Variants in ARID1B observed in about 807,000 individuals in gnomAD.
The protein encoded by ARID1B is AT-rich interaction domain 1B.
A neutral mutation model predicts 212.3 loss-of-function variants in ARID1B; 30 were observed. That is an observed-to-expected ratio of 0.14 (90% CI 0.11 to 0.19). The LOEUF (loss-of-function observed/expected upper bound fraction) is 0.19, where lower values mean the gene tolerates loss of function less well. Ranked by LOEUF, ARID1B falls within the 10% of genes least tolerant of loss-of-function variation. The pLI is 1.00. For missense variants in ARID1B, 2,891 were observed against 3,204.0 expected (o/e 0.90, Z 2.36); for synonymous variants, 1,402 against 1,301.7 (o/e 1.08, Z -1.66).
intron 7 of ARID1B, among the ~76,000 whole-genome samples, chr6:157,142,464 A>G (rs1583389708): frequency 1.3e-5 from 2 of 152,218 alleles, no homozygotes; most frequent in Middle Eastern, 6.8e-3. Context: ...TGTGTCTACT[A>G]AAAATACAAA....
intron 4 of ARID1B, among the ~76,000 whole-genome samples, chr6:156,954,654 A>G (rs1319235495): frequency 6.6e-6 from 1 of 152,054 alleles, no homozygotes; most frequent in Admixed American, 6.6e-5. Flanking sequence ...ATTAGCTCGA[A>G]CTGTTTTTTT....
In ARID1B at chr6:157,208,942, C is replaced by T; in HGVS notation, c.*1051C>T. ...AAAGTCATGCTCGATTTCAGGAGAGCAGCTGATCACAATTTGCTTCATGAA... is the reference window on the plus strand; with the variant it reads ...AAAGTCATGCTCGATTTCAGGAGAGTAGCTGATCACAATTTGCTTCATGAA... On this transcript the variant is annotated 3_prime_UTR_variant, in exon 20 of 20. Coordinates refer to ENST00000636930, the MANE Select transcript of ARID1B (RefSeq NM_001374828.1). 1 of 228,924 alleles carries T rather than the reference C, an allele frequency of 4.4e-6. No homozygotes were observed. The highest frequency in any genetic ancestry group is 5.7e-5 in the Admixed American group (1 of 17,546). The allele number at this position is 228,924 out of a possible 1,614,324, so 14.2% of individuals were successfully genotyped here. A position where few individuals can be genotyped will look rare whatever the true frequency, so the allele number is the denominator to read the frequency against.
rs184674755 is a variant in ARID1B, at chr6:156,895,664, A to G, written c.1987-5712A>G. Among the ~76,000 whole-genome samples, 151 of 152,330 alleles carry G rather than the reference A, an allele frequency of 9.9e-4. 3 individuals are homozygous for G. Among genetic ancestry groups the G allele is most frequent in the Non-Finnish European group, 3.1e-4 (21 of 68,024 alleles). Reference sequence around the variant, plus strand: ...TGGAAAATTGTGAAATAATTTAGACATATAGAAAAGTACAGAAGCAAATAT... The same window carrying G: ...TGGAAAATTGTGAAATAATTTAGACGTATAGAAAAGTACAGAAGCAAATAT... On this transcript the variant is annotated intron_variant, in intron 2 of 19. Transcript: ENST00000636930.
At chr6:156,957,674 A>T (rs975878402) in intron 4 of ARID1B, among the ~76,000 whole-genome samples, 3 of 152,204 alleles carry the variant, frequency 2.0e-5, no homozygotes, top group African/African-American at 7.2e-5. Context: ...CTTTCTGTTT[A>T]ATTGTAAAGG....
At chr6:156,927,041 T>G (rs1562489285) in intron 3 of ARID1B, among the ~76,000 whole-genome samples, 1 of 151,820 alleles carries the variant, frequency 6.6e-6, no homozygotes, top group South Asian at 2.1e-4. Context: ...ATAAAGAACT[T>G]TAAAAAAGAG....
chr6:156,815,635 C>T (rs1358495909), intron 1 of ARID1B, among the ~76,000 whole-genome samples: 3 of 152,182 alleles, frequency 2.0e-5, no homozygotes, highest in Non-Finnish European at 4.4e-5. Flanking sequence ...TTATACAAAG[C>T]TTCACATGAG....
intron 4 of ARID1B, chr6:156,985,568 T>C (rs561144845): frequency 1.2e-4 from 19 of 152,242 alleles, no homozygotes; most frequent in Non-Finnish European, 2.2e-4. Context: ...TTATATTACA[T>C]TGGCTGTTTA....
At chr6:157,114,883 G>A (rs1257850554) in intron 6 of ARID1B, among the ~76,000 whole-genome samples, 1 of 152,124 alleles carries the variant, frequency 6.6e-6, no homozygotes, top group East Asian at 1.9e-4. Flanking sequence ...AGTGATGCTG[G>A]CAACACTGCC....
At chr6:157,196,051 T>G in intron 15 of ARID1B, 114 bp from the exon 16 acceptor site, 1 of 1,327,364 alleles carries the variant, frequency 7.5e-7, no homozygotes, top group Non-Finnish European at 1.0e-6. Context: ...AGAGTGAGAC[T>G]CCATCTCAAA....
intron 1 of ARID1B, among the ~76,000 whole-genome samples, chr6:156,817,371 C>G (rs1583095722): frequency 6.6e-6 from 1 of 151,252 alleles, no homozygotes; most frequent in East Asian, 2.0e-4. Flanking sequence ...TGTTGTGACT[C>G]ACACCCATAA....
At chr6:156,783,428 A>G (rs564335439) in intron 1 of ARID1B, among the ~76,000 whole-genome samples, 64 of 152,160 alleles carry the variant, frequency 4.2e-4, no homozygotes, top group Non-Finnish European at 6.8e-4. Flanking sequence ...TGATCGTTTT[A>G]TTAGACACAG....
intron 1 of ARID1B, among the ~76,000 whole-genome samples, chr6:156,810,296 G>A (rs1247142241): frequency 6.6e-6 from 1 of 152,110 alleles, no homozygotes; most frequent in Non-Finnish European, 1.5e-5. Context: ...ACAGATATAC[G>A]TTGTGGTAGG....
intron 4 of ARID1B, among the ~76,000 whole-genome samples, chr6:157,060,454 A>G (rs1783265867): frequency 6.6e-6 from 1 of 152,176 alleles, no homozygotes. Flanking sequence ...CCCAAGGTCT[A>G]GTGCCATAGA....
In ARID1B at chr6:157,094,825, G is replaced by A. The variant is rs765382475; in HGVS notation, c.2491+9920G>A. ...GGCTCCTGCAGTAACCACGCGGAGT[G>A]TTGATGGCCGCTTGGATGTGCACAT... On this transcript the variant is annotated intron_variant, in intron 5 of 19. Coordinates refer to ENST00000636930, the MANE Select transcript of ARID1B (RefSeq NM_001374828.1). This position sits in a 1 kb window ranked among gnomAD's most constrained non-coding sequence, Gnocchi z 4.3. Among the ~76,000 whole-genome samples the A allele has an allele frequency of 6.6e-6, 1 of 152,172 alleles. No homozygotes were observed. Among genetic ancestry groups the A allele is most frequent in the Non-Finnish European group, 1.5e-5 (1 of 68,030 alleles).
chr6:157,186,366 G>A (rs1249683439), intron 13 of ARID1B: 1 of 464,394 alleles, frequency 2.2e-6, no homozygotes, highest in Admixed American at 2.4e-5. Flanking sequence ...AGTCCAGATG[G>A]AGCCGAGGGC....
intron 4 of ARID1B, among the ~76,000 whole-genome samples, chr6:157,075,489 C>T (rs1784246142): frequency 6.6e-6 from 1 of 152,142 alleles, no homozygotes; most frequent in Non-Finnish European, 1.5e-5. Context: ...TTACATACAT[C>T]CACAAAATTT....
At chr6:156,888,493 T>C (rs1409851962) in intron 2 of ARID1B, among the ~76,000 whole-genome samples, 2 of 152,216 alleles carry the variant, frequency 1.3e-5, no homozygotes, top group Non-Finnish European at 2.9e-5. Context: ...CCTTTTGCAT[T>C]AAAAACAATG....
intron 8 of ARID1B, 163 bp from the exon 9 acceptor site, chr6:157,166,877 A>G: frequency 1.1e-6 from 1 of 946,252 alleles, no homozygotes; most frequent in Non-Finnish European, 1.5e-6. Flanking sequence ...TTACCTAGCA[A>G]TAGAATTCAG....
At chr6:156,784,960 A>G (rs1211905957) in intron 1 of ARID1B, among the ~76,000 whole-genome samples, 1 of 152,104 alleles carries the variant, frequency 6.6e-6, no homozygotes, top group African/African-American at 2.4e-5. Flanking sequence ...GGGTTTCGCC[A>G]TGTTGCCCAG....
Sources: gnomAD v4.1 joint callset for allele counts (sites outside exome capture counted in the v4.1 genomes callset) on GRCh38, gnomAD v4.1.1 for gene constraint, Gnocchi (gnomAD v3.1) non-coding constraint, MANE v1.5 for transcripts, NCBI Gene and HGNC (gene_info 2026-07-23, HGNC 2026-07-21) for gene names.